Variants in TGFBR3 observed in about 807,000 individuals in gnomAD.
TGFBR3 encodes transforming growth factor beta receptor 3, also known as transforming growth factor beta receptor type 3.
In TGFBR3, 46 loss-of-function variants were observed where a neutral mutation model predicts 87.9. The ratio of observed to expected loss-of-function variants is 0.52; its 90% CI spans 0.41 to 0.67. The LOEUF (loss-of-function observed/expected upper bound fraction) is 0.67. Ranked by LOEUF, TGFBR3 falls within the 30% of genes least tolerant of loss-of-function variation. TGFBR3 has a pLI of 0.00. For synonymous variants in TGFBR3, 381 were observed against 391.6 expected (o/e 0.97, Z 0.32); for missense variants, 866 against 1,041.9 (o/e 0.83, Z 2.32).
chr1:91,680,437 C>G lies in TGFBR3; in HGVS notation c.*3302G>C. ...ACATCTAAGCATCTTCACAAAATAG[C>G]TGACACACTGAACAGAGAAAAGAAT... is the stretch of plus-strand genomic sequence containing the variant. On this transcript the variant is annotated 3_prime_UTR_variant, in exon 17 of 17. Transcript: ENST00000212355. 2.2e-6 allele frequency: 1 copy of G among 454,034 alleles called. No individual in the cohort carries two copies. Among genetic ancestry groups the G allele is most frequent in the Non-Finnish European group, 4.4e-6 (1 of 226,772 alleles). 28.1% of individuals were successfully genotyped at this position (454,034 alleles called of 1,614,324 possible).
At chr1:91,685,567 C>T (rs1557655721) in intron 16 of TGFBR3, among the ~76,000 whole-genome samples, 1 of 151,974 alleles carries the variant, frequency 6.6e-6, no homozygotes, top group Non-Finnish European at 1.5e-5. Context: ...CGTGATCGGC[C>T]CACCTTGGCC....
At chr1:91,719,058 C>G (rs779567464) in intron 10 of TGFBR3, among the ~76,000 whole-genome samples, 1 of 152,092 alleles carries the variant, frequency 6.6e-6, no homozygotes, top group African/African-American at 2.4e-5. Flanking sequence ...GACAGTGCAG[C>G]CTTTGTCATC....
intron 2 of TGFBR3, among the ~76,000 whole-genome samples, chr1:91,897,912 G>A (rs534130130): frequency 6.6e-6 from 1 of 152,028 alleles, no homozygotes; most frequent in African/African-American, 2.4e-5. Flanking sequence ...TTACAGCCGG[G>A]CATCATGGCT....
At chr1:91,751,057 G>A (rs1174611049) in intron 4 of TGFBR3, among the ~76,000 whole-genome samples, 1 of 152,162 alleles carries the variant, frequency 6.6e-6, no homozygotes, top group African/African-American at 2.4e-5. Context: ...ATCCTCCACA[G>A]CTAGCACAGT....
At position 91,695,782 on chromosome 1, in the gene TGFBR3, A is replaced by G. The variant is rs200400158; in HGVS notation, c.2330-3T>C. ...GGTGTCCAGACCATGGAAAATTGCT[A>G]TAAAGGAGAGAAACCGATACACACA... is the stretch of plus-strand genomic sequence containing the variant. On this transcript the variant is annotated splice_polypyrimidine_tract_variant and splice_region_variant and intron_variant, in intron 15 of 16. Coordinates refer to ENST00000212355, the MANE Select transcript of TGFBR3 (RefSeq NM_003243.5). The G allele has an allele frequency of 4.2e-4, 670 of 1,613,880 alleles. No individual in the cohort carries two copies. The highest frequency in any genetic ancestry group is 5.4e-4 in the Non-Finnish European group (635 of 1,179,738).
At chr1:91,837,218 G>T (rs1475793713) in intron 2 of TGFBR3, among the ~76,000 whole-genome samples, 1 of 127,614 alleles carries the variant, frequency 7.8e-6, no homozygotes, top group African/African-American at 2.9e-5. Flanking sequence ...TATAAGTAAG[G>T]ATATTATTTA....
At chr1:91,832,885 G>A (rs1268017462) in intron 2 of TGFBR3, among the ~76,000 whole-genome samples, 1 of 151,816 alleles carries the variant, frequency 6.6e-6, no homozygotes, top group Non-Finnish European at 1.5e-5. Flanking sequence ...GTACATGCCT[G>A]TAATTCCAGC....
At chr1:91,884,679 A>G (rs538884129) in intron 1 of TGFBR3, among the ~76,000 whole-genome samples, 2 of 152,348 alleles carry the variant, frequency 1.3e-5, no homozygotes, top group Admixed American at 6.5e-5. Flanking sequence ...AAATAGGGTT[A>G]TTAATAGTGC....
chr1:91,740,363 T>C (rs1673120671), intron 4 of TGFBR3, among the ~76,000 whole-genome samples: 1 of 147,620 alleles, frequency 6.8e-6, no homozygotes. Context: ...CCAGCTGGGA[T>C]TACAATTTTT....
At chr1:91,727,296 G>C (rs1195747328) in intron 7 of TGFBR3, among the ~76,000 whole-genome samples, 1 of 152,254 alleles carries the variant, frequency 6.6e-6, no homozygotes, top group African/African-American at 2.4e-5. Flanking sequence ...TGAGGTCCTT[G>C]TGGGATGCTC....
chr1:91,751,582 C>T (rs928062952), intron 4 of TGFBR3, among the ~76,000 whole-genome samples: 3 of 151,948 alleles, frequency 2.0e-5, no homozygotes, highest in Non-Finnish European at 2.9e-5. Context: ...GACCAGAGAA[C>T]TGCCTGTGGT....
chr1:91,694,759 T>C (rs1396752443), intron 16 of TGFBR3, among the ~76,000 whole-genome samples: 1 of 152,178 alleles, frequency 6.6e-6, no homozygotes, highest in African/African-American at 2.4e-5. Flanking sequence ...CTCTGACGGA[T>C]CAATCTAGCA....
At chr1:91,794,616 G>A (rs936561812) in intron 3 of TGFBR3, among the ~76,000 whole-genome samples, 6 of 152,056 alleles carry the variant, frequency 3.9e-5, no homozygotes, top group African/African-American at 1.4e-4. Context: ...TCTGTATCCT[G>A]AACATTTCAC....
rs17884350 is a variant in TGFBR3 at position 91,809,930 on chromosome 1, T to C, written c.62-12459A>G. Among the ~76,000 whole-genome samples the C allele has an allele frequency of 3.3e-4, 50 of 152,280 alleles. 1 individual carries two copies. The highest frequency in any genetic ancestry group is 1.4e-3 in the Admixed American group (21 of 15,296). ...CTCTGAGAAGCTGTGGACCTGGTTT[T>C]TCCAGAGCTTGTGGCAGTTACAGGC... On this transcript the variant is annotated intron_variant, in intron 2 of 16. Coordinates refer to ENST00000212355, the MANE Select transcript of TGFBR3 (RefSeq NM_003243.5).
At chr1:91,898,997 A>ACC (rs1679618992) in intron 2 of TGFBR3, among the ~76,000 whole-genome samples, 4 of 152,300 alleles carry the variant, frequency 2.6e-5, no homozygotes, top group Admixed American at 2.0e-4. Flanking sequence ...TTAACCACTC[A>ACC]ATTTTCCTCC....
At chr1:91,714,707 A>G (rs1476987229) in intron 12 of TGFBR3, among the ~76,000 whole-genome samples, 1 of 152,244 alleles carries the variant, frequency 6.6e-6, no homozygotes, top group Admixed American at 6.5e-5. Flanking sequence ...AACAATCTGC[A>G]ATTATGCAGC....
At chr1:91,887,235 C>CTTTTTTTTTTTT (rs1557764185), upstream of TGFBR3, among the ~76,000 whole-genome samples, 2 of 12,804 alleles carry the variant, frequency 1.6e-4, no homozygotes, top group Non-Finnish European at 6.2e-4. Context: ...TGGACCTATG[C>CTTTTTTTTTTTT]CTTTTTTTTT....
chr1:91,696,480 T>C (rs1671438116), intron 15 of TGFBR3, among the ~76,000 whole-genome samples: 1 of 152,230 alleles, frequency 6.6e-6, no homozygotes, highest in Admixed American at 6.5e-5. Flanking sequence ...TGGGGAGTGA[T>C]GTCAGTTTTA....
At chr1:91,739,530 T>C (rs17131544) in intron 4 of TGFBR3, among the ~76,000 whole-genome samples, 18,081 of 152,182 alleles carry the variant, frequency 0.12, 1,229 homozygotes, top group East Asian at 0.25. Context: ...CCTGAGAGGT[T>C]GACCAAGACA....
Sources: gnomAD v4.1 joint callset for allele counts (sites outside exome capture counted in the v4.1 genomes callset) on GRCh38, gnomAD v4.1.1 for gene constraint, MANE v1.5 for transcripts, NCBI Gene and HGNC (gene_info 2026-07-23, HGNC 2026-07-21) for gene names.